Variants in VPS13D observed in about 807,000 individuals in gnomAD.
VPS13D encodes the protein vacuolar protein sorting 13 homolog D.
A neutral mutation model predicts 461.9 loss-of-function variants in VPS13D; 187 were observed. That is an observed-to-expected ratio of 0.40 (90% CI 0.36 to 0.46). The LOEUF (loss-of-function observed/expected upper bound fraction) is 0.46, where lower values mean the gene tolerates loss of function less well. VPS13D is among the 20% of genes least tolerant of loss of function. The pLI, the probability that VPS13D is intolerant of heterozygous loss-of-function variation, is 0.60. For missense variants in VPS13D, 4,711 were observed against 5,364.9 expected, an observed-to-expected ratio of 0.88 and a Z score of 3.81; for synonymous variants, 1,951 against 1,986.3, an observed-to-expected ratio of 0.98 and a Z score of 0.47.
chr1:12,327,429 CTT>C (rs1401827194), intron 35 of VPS13D, among the ~76,000 whole-genome samples: 1 of 152,168 alleles, frequency 6.6e-6, no homozygotes, highest in African/African-American at 2.4e-5. Context: ...AAAATGTTTG[CTT>C]AAAAGCAGGA....
chr1:12,411,670 G>T (rs1644732160), intron 63 of VPS13D, among the ~76,000 whole-genome samples: 1 of 152,186 alleles, frequency 6.6e-6, no homozygotes, highest in Non-Finnish European at 1.5e-5. Context: ...ACAATTCTGT[G>T]GGTTAATAAT....
intron 41 of VPS13D, among the ~76,000 whole-genome samples, chr1:12,342,404 T>C (rs921643958): frequency 5.3e-5 from 8 of 152,366 alleles, no homozygotes; most frequent in African/African-American, 1.9e-4. Context: ...CTAACAACTT[T>C]CTGCCTGTTT....
chr1:12,387,818 C>T (rs774550651), intron 60 of VPS13D, among the ~76,000 whole-genome samples: 1 of 151,658 alleles, frequency 6.6e-6, no homozygotes, highest in Non-Finnish European at 1.5e-5. Flanking sequence ...AGCAAAGGAA[C>T]AAGAAAAAAA....
chr1:12,234,478 T>C, intron 2 of VPS13D, 115 bp downstream of exon 2: 1 of 739,252 alleles, frequency 1.4e-6, no homozygotes, highest in Non-Finnish European at 2.2e-6. Context: ...GTACTAAATG[T>C]ATGTAAAAAG....
chr1:12,239,151 T>A lies in VPS13D; in HGVS notation c.98-3362T>A, dbSNP rs183448902. ...AGTGGATCTTTTTTTCTTTTTTCTT[T>A]TTTTGGAGACAGGGTCTTGCTCTAT... On this transcript the variant is annotated intron_variant, in intron 2 of 69. Transcript: ENST00000620676. Among the ~76,000 whole-genome samples, 3 of 152,214 alleles carry A rather than the reference T, an allele frequency of 2.0e-5. No individual in the cohort carries two copies. The East Asian group carries it at 5.8e-4, about 29-fold the overall frequency.
intron 58 of VPS13D, among the ~76,000 whole-genome samples, chr1:12,384,702 C>T (rs545322193): frequency 7.9e-5 from 12 of 152,212 alleles, no homozygotes; most frequent in African/African-American, 2.9e-4. Flanking sequence ...TCATTATAGC[C>T]TCGAACTCCT....
chr1:12,375,296 T>G (rs1314173072), intron 55 of VPS13D, among the ~76,000 whole-genome samples: 3 of 152,338 alleles, frequency 2.0e-5, no homozygotes, highest in Non-Finnish European at 4.4e-5. Context: ...TATTGTGGTG[T>G]TGTGGTTCCC....
In VPS13D at chr1:12,486,163, C is replaced by G. The variant is rs370176300; in HGVS notation, c.12663-11337C>G. On this transcript the variant is annotated intron_variant, in intron 67 of 69. Transcript: ENST00000620676. ...TTGACACAAGTTCAAGGAGAAGGTA[C>G]CATCTCTTGCTTCTAGAGGGGCACA... Among the ~76,000 whole-genome samples the G allele has an allele frequency of 2.6e-5, 4 of 152,280 alleles. No homozygotes were observed. The East Asian group carries it at 5.8e-4, about 22-fold the overall frequency.
At chr1:12,312,110 A>G (rs1442144568) in intron 29 of VPS13D, among the ~76,000 whole-genome samples, 185 bp downstream of exon 29, 2 of 152,236 alleles carry the variant, frequency 1.3e-5, no homozygotes, top group Non-Finnish European at 2.9e-5. Context: ...ATCAGTCAAC[A>G]TAGGTTAGGT....
In VPS13D at chr1:12,338,254, A is replaced by G; in HGVS notation, c.8575A>G (p.Thr2859Ala). Residue 2859 changes from threonine to alanine, a missense_variant, in exon 40 of 70, where the codon ACT (threonine) becomes GCT (alanine). Transcript: ENST00000620676. Reference protein sequence around the residue: ...GQSLPLVYLRTRSTASLTNLE... With the variant: ...GQSLPLVYLRARSTASLTNLE... ...AGGCCTCCCCCTTGTCTACCTTAGA[A>G]CTAGGAGTACAGCCAGTCTGACTAA... 6.2e-7 allele frequency: 1 copy of G among 1,613,728 alleles called. No homozygotes were observed.
At position 12,322,571 on chromosome 1, in the gene VPS13D, T is replaced by C; in HGVS notation, c.7740T>C (p.Tyr2580=). 8 of 1,614,242 alleles carry C rather than the reference T, an allele frequency of 5.0e-6. No individual in the cohort carries two copies. The South Asian group carries it at 8.8e-5, about 18-fold the overall frequency. The change falls in exon 34 of 70, where the codon TAT becomes TAC. Residue 2580 remains tyrosine (Y), a synonymous_variant. Transcript: ENST00000620676. ...AAGCCCTGGATATCAGACTCTCCTA[T>C]AATGATGTTCAGCTGTTTCTTGCCA... The part of the protein sequence containing the change: ...QLQALDIRLS[Y]NDVQLFLAIA...
chr1:12,471,927 A>G (rs1434241849), intron 67 of VPS13D, among the ~76,000 whole-genome samples: 3 of 152,152 alleles, frequency 2.0e-5, no homozygotes, highest in Admixed American at 2.0e-4. Flanking sequence ...AAAAGAAAAA[A>G]AAAATTTTAT....
At chr1:12,416,089 A>G (rs1644790672) in intron 64 of VPS13D, among the ~76,000 whole-genome samples, 1 of 152,166 alleles carries the variant, frequency 6.6e-6, no homozygotes, top group African/African-American at 2.4e-5. Flanking sequence ...AGGCTGAGGT[A>G]GGAGGACTGC....
At chr1:12,254,085 A>G (rs1457188515) in intron 7 of VPS13D, among the ~76,000 whole-genome samples, 3 of 152,208 alleles carry the variant, frequency 2.0e-5, no homozygotes, top group Admixed American at 6.5e-5. Flanking sequence ...TTATTCAGTG[A>G]AAGCTATGTT....
chr1:12,299,352 G>A lies in VPS13D; in HGVS notation c.6184G>A (p.Gly2062Ser). 1 of 1,613,284 alleles carries A rather than the reference G, an allele frequency of 6.2e-7. No individual in the cohort carries two copies. The highest frequency in any genetic ancestry group is 8.5e-7 in the Non-Finnish European group (1 of 1,179,796). Residue 2062 changes from glycine to serine, a missense_variant, in exon 25 of 70, where the codon GGT becomes AGT. Gly to Ser is a moderately conservative substitution (Grantham distance 56). Coordinates refer to ENST00000620676, the MANE Select transcript of VPS13D (RefSeq NM_015378.4). This position sits in a 1 kb window ranked among gnomAD's most constrained non-coding sequence, Gnocchi z 4.2. ...LKVKNKFLFA[G>S]FPGTFSLQDK... The stretch of plus-strand genomic sequence containing the variant: ...AGTCAAAAATAAGTTTCTGTTTGCT[G>A]GTTTTCCTGGCACCTTTTCCCTACA...
At chr1:12,426,236 C>T (rs1644923502) in intron 65 of VPS13D, among the ~76,000 whole-genome samples, 1 of 152,196 alleles carries the variant, frequency 6.6e-6, no homozygotes, top group African/African-American at 2.4e-5. Context: ...GTGGGATGTG[C>T]AGTCCCCAGG....
chr1:12,352,152 A>G (rs537911280), intron 46 of VPS13D, among the ~76,000 whole-genome samples: 22 of 151,926 alleles, frequency 1.4e-4, no homozygotes, highest in Non-Finnish European at 2.5e-4. Context: ...TTAGCCAGAC[A>G]TGGTGGTACA....
intron 65 of VPS13D, among the ~76,000 whole-genome samples, chr1:12,450,261 C>T (rs1645245566): frequency 1.3e-5 from 2 of 152,150 alleles, no homozygotes; most frequent in African/African-American, 2.4e-5. Flanking sequence ...TCCTTTGCTC[C>T]TGCTTGTTTG....
In VPS13D at chr1:12,338,241, T is replaced by C; in HGVS notation, c.8562T>C (p.Leu2854=). 6.2e-7 allele frequency: 1 copy of C among 1,613,604 alleles called. No individual in the cohort carries two copies. Among genetic ancestry groups the C allele is most frequent in the Non-Finnish European group, 8.5e-7 (1 of 1,179,638 alleles). ...TCTCCTGTCTACCAGGCCTCCCCCT[T>C]GTCTACCTTAGAACTAGGAGTACAG... is the stretch of plus-strand genomic sequence containing the variant. ...DPPCFGQSLP[L]VYLRTRSTAS... Residue 2854 remains leucine (L), a synonymous_variant, in exon 40 of 70, where the codon CTT becomes CTC. Transcript: ENST00000620676.
Sources: gnomAD v4.1 joint callset for allele counts (sites outside exome capture counted in the v4.1 genomes callset) on GRCh38, gnomAD v4.1.1 for gene constraint, Gnocchi (gnomAD v3.1) non-coding constraint, MANE v1.5 for transcripts, NCBI Gene and HGNC (gene_info 2026-07-23, HGNC 2026-07-21) for gene names.